The following PAPPA variants were observed in gnomAD, a reference collection of about 807,000 sequenced individuals.
PAPPA encodes pappalysin 1, also known as pappalysin-1.
A neutral mutation model predicts 164.0 loss-of-function variants in PAPPA; 60 were observed. The observed-to-expected ratio is 0.37, with a 90% CI of 0.30 to 0.45. The LOEUF (loss-of-function observed/expected upper bound fraction) is 0.45. PAPPA is among the 20% of genes least tolerant of loss of function. PAPPA has a pLI of 1.00. For synonymous variants in PAPPA, 875 were observed against 814.1 expected, an observed-to-expected ratio of 1.07 and a Z score of -1.27; for missense variants, 1,782 against 2,087.3, an observed-to-expected ratio of 0.85 and a Z score of 2.85.
intron 7 of PAPPA, among the ~76,000 whole-genome samples, chr9:116,262,858 C>G (rs1845019149): frequency 6.6e-6 from 1 of 152,184 alleles, no homozygotes. Flanking sequence ...TCCAGCAAAG[C>G]CTTCAGAAGC....
At chr9:116,205,186 G>GA (rs377170995) in intron 2 of PAPPA, among the ~76,000 whole-genome samples, 37 of 147,402 alleles carry the variant, frequency 2.5e-4, no homozygotes, top group African/African-American at 5.0e-4. Flanking sequence ...CCCAAAGTAT[G>GA]AAAAAAAAAA....
intron 15 of PAPPA, among the ~76,000 whole-genome samples, chr9:116,348,013 G>A (rs1397020302): frequency 6.6e-6 from 1 of 152,104 alleles, no homozygotes. Context: ...ACCTCATTGT[G>A]GCTAATAATA....
chr9:116,260,205 AT>A (rs1179697490), intron 7 of PAPPA, among the ~76,000 whole-genome samples: 64 of 152,204 alleles, frequency 4.2e-4, no homozygotes, highest in African/African-American at 1.4e-3. Context: ...CTTGATCAGT[AT>A]TTATTCCTTT....
At chr9:116,159,371 A>T (rs1455936120) in intron 1 of PAPPA, among the ~76,000 whole-genome samples, 1 of 152,190 alleles carries the variant, frequency 6.6e-6, no homozygotes, top group Non-Finnish European at 1.5e-5. Context: ...GCTTTCAAAA[A>T]GTGGGGCCTG....
At chr9:116,246,786 G>A (rs1844801661) in intron 7 of PAPPA, among the ~76,000 whole-genome samples, 1 of 152,156 alleles carries the variant, frequency 6.6e-6, no homozygotes, top group Non-Finnish European at 1.5e-5. Context: ...AGGCTGAGGT[G>A]GGAGGACTGC....
chr9:116,177,230 A>C (rs548426326), intron 1 of PAPPA, among the ~76,000 whole-genome samples: 36 of 152,102 alleles, frequency 2.4e-4, no homozygotes, highest in Non-Finnish European at 4.9e-4. Flanking sequence ...ACATCCTTCC[A>C]ACCAGAGCTG....
At position 116,398,716 on chromosome 9, in the gene PAPPA, C is replaced by A. The variant is rs2118747155; in HGVS notation, c.*2100C>A. On this transcript the variant is annotated 3_prime_UTR_variant, in exon 22 of 22. Transcript: ENST00000328252. The stretch of plus-strand genomic sequence containing the variant: ...TTTCACAAACTCTGAAATTGGGTTC[C>A]ATATTGGCAAGGCTGCCACAGTTGT... The A allele has an allele frequency of 2.1e-6, 1 of 465,500 alleles. No individual in the cohort carries two copies. Among genetic ancestry groups the A allele is most frequent in the South Asian group, 1.5e-5 (1 of 64,676 alleles). 28.8% of individuals were successfully genotyped at this position (465,500 alleles called of 1,614,324 possible).
chr9:116,354,018 G>A (rs1846319430), intron 17 of PAPPA, among the ~76,000 whole-genome samples: 1 of 152,098 alleles, frequency 6.6e-6, no homozygotes, highest in Non-Finnish European at 1.5e-5. Context: ...CCCAATGTAT[G>A]AAGTTGATAA....
intron 9 of PAPPA, among the ~76,000 whole-genome samples, chr9:116,285,155 T>C (rs899573912): frequency 3.2e-5 from 4 of 126,674 alleles, no homozygotes; most frequent in Admixed American, 8.2e-5. Context: ...TCTTTTTCTT[T>C]TTCTTTTCTT....
intron 21 of PAPPA, among the ~76,000 whole-genome samples, chr9:116,392,015 G>A (rs1272377659): frequency 6.6e-6 from 1 of 152,182 alleles, no homozygotes; most frequent in African/African-American, 2.4e-5. Context: ...CCTGGGGCAT[G>A]GTGCTGAGGA....
At chr9:116,396,396 T>C in intron 21 of PAPPA, 113 bp from the exon 22 acceptor site, 1 of 729,060 alleles carries the variant, frequency 1.4e-6, no homozygotes, top group East Asian at 2.5e-5. Context: ...AGCCATAACT[T>C]GAACTTGAAC....
chr9:116,260,174 G>A (rs572983908), intron 7 of PAPPA, among the ~76,000 whole-genome samples: 24 of 152,148 alleles, frequency 1.6e-4, no homozygotes, highest in Middle Eastern at 3.4e-3. Flanking sequence ...GATACAGGAG[G>A]AGCATACAGG....
intron 16 of PAPPA, 64 bp from the exon 17 acceptor site, chr9:116,353,558 A>G: frequency 2.1e-6 from 3 of 1,429,760 alleles, no homozygotes; most frequent in East Asian, 4.6e-5. Context: ...GGTGGTGTTC[A>G]TGCAGGGCAT....
At chr9:116,321,707 C>T (rs1440541784) in intron 10 of PAPPA, among the ~76,000 whole-genome samples, 1 of 152,164 alleles carries the variant, frequency 6.6e-6, no homozygotes, top group Admixed American at 6.5e-5. Context: ...TCTAATGCGT[C>T]ACCAATCTTA....
chr9:116,251,836 A>C (rs562825366), intron 7 of PAPPA, among the ~76,000 whole-genome samples: 1 of 152,172 alleles, frequency 6.6e-6, no homozygotes, highest in African/African-American at 2.4e-5. Flanking sequence ...CCAGGTGTGG[A>C]GTTTCCTCCA....
At chr9:116,190,184 A>C (rs1564178502) in intron 2 of PAPPA, among the ~76,000 whole-genome samples, 1 of 152,242 alleles carries the variant, frequency 6.6e-6, no homozygotes. Flanking sequence ...GAAAATCATT[A>C]GGCTAAATCA....
Position 116,353,757 on chromosome 9 carries a change from G to C in PAPPA, c.4311G>C (p.Glu1437Asp). Residue 1437 changes from glutamate to aspartate, a missense_variant, in exon 17 of 22, where the codon GAG becomes GAC. This residue lies in a region of PAPPA where 1,324 missense variants were observed against 1,656.9 expected (regional missense o/e 0.80). Transcript: ENST00000328252. Reference sequence around the variant, plus strand: ...CTAATGGCTTCCAGTTCAACAGTGAGTGTAGGATCAAGTGTGAAGACAGTG... The same window carrying C: ...CTAATGGCTTCCAGTTCAACAGTGACTGTAGGATCAAGTGTGAAGACAGTG... Reference protein sequence around the residue: ...QCTNGFQFNSECRIKCEDSDA... With the variant: ...QCTNGFQFNSDCRIKCEDSDA... 6.2e-7 allele frequency: 1 copy of C among 1,614,116 alleles called. No individual in the cohort carries two copies. The highest frequency in any genetic ancestry group is 1.1e-5 in the South Asian group (1 of 91,076).
chr9:116,297,614 A>G (rs527796423), intron 9 of PAPPA, among the ~76,000 whole-genome samples: 1 of 152,304 alleles, frequency 6.6e-6, no homozygotes, highest in Admixed American at 6.5e-5. Context: ...ATGTAAGTCA[A>G]TATATTCTTT....
At chr9:116,304,379 G>A (rs1030997092) in intron 10 of PAPPA, among the ~76,000 whole-genome samples, 3 of 152,186 alleles carry the variant, frequency 2.0e-5, no homozygotes, top group Non-Finnish European at 2.9e-5. Flanking sequence ...AAACACTCAC[G>A]CATTGCCTCT....
Sources: gnomAD v4.1 joint callset for allele counts (sites outside exome capture counted in the v4.1 genomes callset) on GRCh38, gnomAD v4.1.1 for gene constraint, gnomAD v4.1.1 regional missense constraint, MANE v1.5 for transcripts, NCBI Gene and HGNC (gene_info 2026-07-23, HGNC 2026-07-21) for gene names.